ADAMTSL1: variants seen among roughly 807,000 people sequenced by gnomAD.
The protein encoded by ADAMTSL1 is ADAMTS-like protein 1.
In ADAMTSL1, 126 loss-of-function variants were observed where a neutral mutation model predicts 201.8. That is an observed-to-expected ratio of 0.62 (90% CI 0.54 to 0.72). The LOEUF is 0.72. Among genes scored for constraint, ADAMTSL1 ranks in the 30% least tolerant of loss-of-function variants. The probability of loss-of-function intolerance (pLI) is 0.00; values close to 1 mark genes in which losing one functional copy is unlikely to be tolerated. For missense variants in ADAMTSL1, 2,679 were observed against 2,277.8 expected (o/e 1.18, Z -3.59); for synonymous variants, 1,121 against 903.4 (o/e 1.24, Z -4.32).
At chr9:18,629,523 A>G (rs1214194366) in intron 5 of ADAMTSL1, among the ~76,000 whole-genome samples, 1 of 152,016 alleles carries the variant, frequency 6.6e-6, no homozygotes, top group Non-Finnish European at 1.5e-5. Context: ...TCTTCTTTAG[A>G]TTGTTATTGT....
chr9:18,315,232 G>A (rs1466251359), intron 2 of ADAMTSL1, among the ~76,000 whole-genome samples: 1 of 152,126 alleles, frequency 6.6e-6, no homozygotes, highest in Non-Finnish European at 1.5e-5. Context: ...GACACGAAGT[G>A]CTGACTGGTG....
intron 2 of ADAMTSL1, among the ~76,000 whole-genome samples, chr9:18,403,994 G>C (rs989548356): frequency 1.3e-5 from 2 of 152,006 alleles, no homozygotes; most frequent in African/African-American, 4.8e-5. Flanking sequence ...CCCGTGGAAG[G>C]ATCAATAGAA....
chr9:18,740,753 A>G lies in ADAMTSL1; in HGVS notation c.2007-12545A>G, dbSNP rs1221893916. ...TGGCCTCCCAAATTGCTAGTATTAC[A>G]GGTGTGAGTCACCACGCTCGGCCTC... On this transcript the variant is annotated intron_variant, in intron 15 of 28. Transcript: ENST00000380548. Among the ~76,000 whole-genome samples the G allele has an allele frequency of 4.6e-5, 7 of 152,214 alleles. 1 individual carries two copies. In the East Asian group the frequency reaches 1.4e-3, roughly 29 times the overall value.
rs538360328 is a variant in ADAMTSL1 at position 17,960,530 on chromosome 9, C to T, written c.87+53608C>T. On this transcript the variant is annotated intron_variant, in intron 1 of 29. Transcript: ENST00000680146. ...GTGTGATCAAACTATTGTCAGAAAC[C>T]TGCTTTGGGTCTCAGTTTCTAGTCA... is the stretch of plus-strand genomic sequence containing the variant. Among the ~76,000 whole-genome samples the T allele has an allele frequency of 7.9e-5, 12 of 152,266 alleles. No individual in the cohort carries two copies. In the South Asian group the frequency reaches 2.5e-3, roughly 32 times the overall value.
At chr9:18,773,028 C>T (rs1215932845) in intron 17 of ADAMTSL1, among the ~76,000 whole-genome samples, 2 of 152,210 alleles carry the variant, frequency 1.3e-5, no homozygotes, top group African/African-American at 4.8e-5. Context: ...TGGAGGTGTT[C>T]ACAAAGGCTC....
chr9:18,422,615 A>G (rs1819010742), intron 2 of ADAMTSL1, among the ~76,000 whole-genome samples: 1 of 152,036 alleles, frequency 6.6e-6, no homozygotes, highest in African/African-American at 2.4e-5. Flanking sequence ...TCCTTTTACC[A>G]TCTTGCGCTC....
At chr9:18,410,251 A>G (rs1217879621) in intron 2 of ADAMTSL1, among the ~76,000 whole-genome samples, 1 of 151,208 alleles carries the variant, frequency 6.6e-6, no homozygotes, top group Non-Finnish European at 1.5e-5. Flanking sequence ...CAGGATGTGC[A>G]GGGTTGTTAC....
intron 2 of ADAMTSL1, among the ~76,000 whole-genome samples, chr9:18,389,072 T>C (rs2133214186): frequency 6.6e-6 from 1 of 152,288 alleles, no homozygotes; most frequent in Non-Finnish European, 1.5e-5. Flanking sequence ...CATTGAATTT[T>C]AACACCTATA....
intron 1 of ADAMTSL1, among the ~76,000 whole-genome samples, chr9:17,935,228 A>G (rs1407032769): frequency 6.6e-6 from 1 of 151,888 alleles, no homozygotes; most frequent in Admixed American, 6.6e-5. Context: ...GAAGTCTTTG[A>G]TTGTGCGGCC....
chr9:18,268,797 T>C (rs1248265918), intron 2 of ADAMTSL1, among the ~76,000 whole-genome samples: 1 of 152,182 alleles, frequency 6.6e-6, no homozygotes, highest in Non-Finnish European at 1.5e-5. Flanking sequence ...CTTTTGTTTA[T>C]TCTTGAGATT....
At chr9:18,803,039 T>A (rs1822897801) in intron 20 of ADAMTSL1, among the ~76,000 whole-genome samples, 1 of 152,226 alleles carries the variant, frequency 6.6e-6, no homozygotes, top group African/African-American at 2.4e-5. Context: ...GTAGAAGGTG[T>A]ATATGGCCTG....
At chr9:18,267,775 C>A (rs10963543) in intron 2 of ADAMTSL1, among the ~76,000 whole-genome samples, 25,318 of 103,418 alleles carry the variant, frequency 0.24, 3,385 homozygotes, top group Admixed American at 0.39. Flanking sequence ...AAAAAAAAAA[C>A]AAAAACAAAA....
intron 2 of ADAMTSL1, among the ~76,000 whole-genome samples, chr9:18,218,439 A>G (rs9298790): frequency 2.0e-5 from 3 of 152,026 alleles, no homozygotes; most frequent in African/African-American, 7.2e-5. Flanking sequence ...TGATGAGCTT[A>G]ATCATTCCTA....
At chr9:18,082,551 G>A (rs1823550464) in intron 1 of ADAMTSL1, among the ~76,000 whole-genome samples, 1 of 152,084 alleles carries the variant, frequency 6.6e-6, no homozygotes, top group Non-Finnish European at 1.5e-5. Flanking sequence ...GCTTCTTAAG[G>A]ACACCTTAAG....
chr9:18,854,900 A>C (rs1409704339), intron 23 of ADAMTSL1, among the ~76,000 whole-genome samples: 1 of 152,190 alleles, frequency 6.6e-6, no homozygotes, highest in African/African-American at 2.4e-5. Context: ...ATTATTGACG[A>C]AGGTTATAAT....
chr9:18,668,304 G>T (rs1374004619), intron 9 of ADAMTSL1, among the ~76,000 whole-genome samples: 3 of 152,024 alleles, frequency 2.0e-5, no homozygotes, highest in Non-Finnish European at 4.4e-5. Context: ...CAAAGTTAGG[G>T]TGCTTCTTAG....
intron 3 of ADAMTSL1, among the ~76,000 whole-genome samples, chr9:18,561,022 C>G (rs1305808264): frequency 6.6e-6 from 1 of 150,718 alleles, no homozygotes; most frequent in Non-Finnish European, 1.5e-5. Flanking sequence ...CTGCCCTGAT[C>G]TTAGTTATTT....
intron 2 of ADAMTSL1, among the ~76,000 whole-genome samples, chr9:18,212,338 G>A (rs1465051723): frequency 3.9e-5 from 6 of 152,168 alleles, no homozygotes; most frequent in Non-Finnish European, 8.8e-5. Context: ...TTTCTTGTGT[G>A]ACATGACAAA....
chr9:18,800,776 G>A (rs1248974894), intron 20 of ADAMTSL1, among the ~76,000 whole-genome samples: 1 of 152,166 alleles, frequency 6.6e-6, no homozygotes, highest in Admixed American at 6.5e-5. Flanking sequence ...CCACATCCTT[G>A]GTTAGTGGTT....
Sources: allele counts gnomAD v4.1 joint callset (sites outside exome capture counted in the v4.1 genomes callset), GRCh38; gene constraint gnomAD v4.1.1; transcripts MANE v1.5; gene names NCBI Gene and HGNC (gene_info 2026-07-23, HGNC 2026-07-21).